Variants in ESYT3 observed in about 807,000 individuals in gnomAD.
ESYT3 encodes the protein extended synaptotagmin-3.
Under a neutral mutation model 111.5 loss-of-function variants are expected in ESYT3, and 101 were observed. The observed-to-expected ratio is 0.91, with a 90% confidence interval of 0.77 to 1.07. The LOEUF (loss-of-function observed/expected upper bound fraction) is 1.07, where lower values mean the gene tolerates loss of function less well. ESYT3 is among the 50% of genes least tolerant of loss of function. ESYT3 has a pLI of 0.00. For missense variants in ESYT3, 1,097 were observed against 1,109.4 expected (o/e 0.99, Z 0.16); for synonymous variants, 416 against 446.8 (o/e 0.93, Z 0.87).
At chr3:138,461,088 T>A (rs1252074612) in intron 7 of ESYT3, among the ~76,000 whole-genome samples, 1 of 152,274 alleles carries the variant, frequency 6.6e-6, no homozygotes, top group African/African-American at 2.4e-5. Flanking sequence ...AGAAGTTGCT[T>A]CACTTCTCTG....
At chr3:138,437,263 T>G (rs148854527) in intron 1 of ESYT3, among the ~76,000 whole-genome samples, 3 of 152,226 alleles carry the variant, frequency 2.0e-5, no homozygotes, top group African/African-American at 7.2e-5. Flanking sequence ...GTAGAAGGCC[T>G]GGTATGAAGG....
At chr3:138,480,146 C>T (rs2033658490), downstream of ESYT3, 1 of 151,930 alleles carries the variant, frequency 6.6e-6, no homozygotes, top group Non-Finnish European at 1.5e-5. Context: ...GTAGACAATA[C>T]AAAAGATGGT....
intron 14 of ESYT3, 183 bp from the exon 15 acceptor site, chr3:138,469,253 T>C: frequency 1.6e-6 from 1 of 616,440 alleles, no homozygotes; most frequent in Non-Finnish European, 2.9e-6. Flanking sequence ...GGGTTGGTCC[T>C]GTCCTGGGGC....
chr3:138,446,109 A>G (rs1382241491), intron 1 of ESYT3, among the ~76,000 whole-genome samples: 2 of 152,228 alleles, frequency 1.3e-5, no homozygotes, highest in Non-Finnish European at 2.9e-5. Flanking sequence ...GGGAGCATCA[A>G]ATGAAAGTGT....
At chr3:138,436,733 C>T (rs2030726523) in intron 1 of ESYT3, among the ~76,000 whole-genome samples, 1 of 152,184 alleles carries the variant, frequency 6.6e-6, no homozygotes, top group Non-Finnish European at 1.5e-5. Flanking sequence ...GTCCACACCC[C>T]TTGCACACAG....
chr3:138,480,156 T>A (rs989755473), downstream of ESYT3: 7 of 152,180 alleles, frequency 4.6e-5, no homozygotes, highest in Admixed American at 4.6e-4. Flanking sequence ...CAAAAGATGG[T>A]CAAGATACGT....
At chr3:138,464,731 G>A (rs1244138109) in intron 9 of ESYT3, among the ~76,000 whole-genome samples, 5 of 152,138 alleles carry the variant, frequency 3.3e-5, no homozygotes, top group Admixed American at 3.3e-4. Flanking sequence ...TTCCAACTTT[G>A]TTAGAAGTTA....
rs752923089 is a variant in ESYT3 at position 138,460,008 on chromosome 3, G to A, written c.712G>A (p.Val238Met). The A allele has an allele frequency of 4.3e-6, 7 of 1,614,026 alleles. No homozygotes were observed. Among genetic ancestry groups the A allele is most frequent in the Admixed American group, 3.3e-5 (2 of 60,002 alleles). Residue 238 changes from valine to methionine, a missense_variant, in exon 6 of 23, where the codon GTG becomes ATG. Physicochemically the swap from Val to Met is conservative, Grantham distance 21 (BLOSUM62 1). Coordinates refer to ENST00000389567, the MANE Select transcript of ESYT3 (RefSeq NM_031913.5). Reference sequence around the variant, plus strand: ...AGTGGACAAGCCCTTTGTGGGAGCCGTGACTGTGTTCTTCCTTCAGAAGCC... The same window carrying A: ...AGTGGACAAGCCCTTTGTGGGAGCCATGACTGTGTTCTTCCTTCAGAAGCC... The part of the protein sequence containing the change: ...LLVDKPFVGA[V>M]TVFFLQKPHL...
intron 1 of ESYT3, among the ~76,000 whole-genome samples, chr3:138,442,959 T>C (rs1408457430): frequency 1.3e-5 from 2 of 152,240 alleles, no homozygotes; most frequent in Non-Finnish European, 2.9e-5. Flanking sequence ...TAAGTTTTTT[T>C]AACTTCTAGG....
chr3:138,449,219 G>T (rs1048522854), intron 1 of ESYT3, among the ~76,000 whole-genome samples: 3 of 151,106 alleles, frequency 2.0e-5, no homozygotes, highest in South Asian at 2.1e-4. Flanking sequence ...TGAGTACCTG[G>T]GATTACAGGT....
chr3:138,470,498 A>G, intron 16 of ESYT3: 1 of 1,111,012 alleles, frequency 9.0e-7, no homozygotes, highest in Non-Finnish European at 1.1e-6. Context: ...AGATCTGTAG[A>G]GTAAGCAAAG....
At chr3:138,441,981 T>C (rs1372463532) in intron 1 of ESYT3, among the ~76,000 whole-genome samples, 5 of 152,150 alleles carry the variant, frequency 3.3e-5, no homozygotes, top group Admixed American at 2.0e-4. Flanking sequence ...TCATGAGCCT[T>C]GGAAATCTCA....
chr3:138,461,627 T>A (rs1170477370), intron 7 of ESYT3, among the ~76,000 whole-genome samples: 1 of 152,188 alleles, frequency 6.6e-6, no homozygotes, highest in East Asian at 1.9e-4. Context: ...CCAGGCACCA[T>A]CCCTGTCCCC....
intron 1 of ESYT3, among the ~76,000 whole-genome samples, chr3:138,448,576 T>TA (rs2031715827): frequency 6.6e-6 from 1 of 152,110 alleles, no homozygotes; most frequent in African/African-American, 2.4e-5. Context: ...CCAGAGAGAT[T>TA]AAAGACCTAA....
chr3:138,445,785 CT>C lies in ESYT3; in HGVS notation c.328-6260del, dbSNP rs2031500479. On this transcript the variant is annotated intron_variant, in intron 1 of 22. Coordinates refer to ENST00000389567, the MANE Select transcript of ESYT3 (RefSeq NM_031913.5). Reference sequence around the variant, plus strand: ...GAAGGATACCGAGCATCATCCATGCCTTTAGTCTTTTCAGGAACTGTGAAGT... The same window carrying C: ...GAAGGATACCGAGCATCATCCATGCCTTAGTCTTTTCAGGAACTGTGAAGT... 2.0e-5 allele frequency among the ~76,000 whole-genome samples: 3 copies of C among 152,324 alleles called. No homozygotes were observed. In the South Asian group the frequency reaches 6.2e-4, roughly 32 times the overall value.
In ESYT3 at chr3:138,455,278, A is replaced by G. The variant is rs1376466211; in HGVS notation, c.454A>G (p.Ser152Gly). 8.7e-6 allele frequency: 14 copies of G among 1,614,152 alleles called. No individual in the cohort carries two copies. The highest frequency in any genetic ancestry group is 1.2e-5 in the Non-Finnish European group (14 of 1,180,014). The part of the protein sequence containing the change: ...EKLEPKIREK[S>G]IHLRTFTFTK... ...ACTTGAGCCCAAGATCCGAGAGAAGAGCATCCACCTGAGGACCTTTACCTT... is the reference window on the plus strand; with the variant it reads ...ACTTGAGCCCAAGATCCGAGAGAAGGGCATCCACCTGAGGACCTTTACCTT... The change falls in exon 3 of 23, where the codon AGC (serine) becomes GGC (glycine). Residue 152 changes from serine (S) to glycine (G), a missense_variant. By Grantham distance (56) the Ser-to-Gly change is moderately conservative. Transcript: ENST00000389567.
chr3:138,460,372 C>G (rs1458680328), intron 6 of ESYT3, among the ~76,000 whole-genome samples: 1 of 152,018 alleles, frequency 6.6e-6, no homozygotes, highest in Non-Finnish European at 1.5e-5. Context: ...GTTCCACAGC[C>G]CCTGCCCCAT....
chr3:138,443,253 T>C (rs1166419153), intron 1 of ESYT3, among the ~76,000 whole-genome samples: 1 of 152,354 alleles, frequency 6.6e-6, no homozygotes, highest in East Asian at 1.9e-4. Context: ...GATTTTCAAG[T>C]TGGCAAAGCA....
chr3:138,479,066 A>AAATT lies in ESYT3; in HGVS notation c.*2214_*2217dup, dbSNP rs571487332. The AAATT allele has an allele frequency of 6.6e-6, 1 of 152,188 alleles. No individual in the cohort carries two copies. The highest frequency in any genetic ancestry group is 2.4e-5 in the African/African-American group (1 of 41,424). The allele number at this position is 152,188 out of a possible 1,614,324, so 9.4% of individuals were successfully genotyped here. Reference sequence around the variant, plus strand: ...TAAAGGGAAACTCACGGGCAAAAATAAATTATGAAACAAAACAAAAACAGA... The same window carrying AAATT: ...TAAAGGGAAACTCACGGGCAAAAATAAATTAATTATGAAACAAAACAAAAACAGA... On this transcript the variant is annotated 3_prime_UTR_variant, in exon 23 of 23. Coordinates refer to ENST00000389567, the MANE Select transcript of ESYT3 (RefSeq NM_031913.5).
Sources: allele counts gnomAD v4.1 joint callset (sites outside exome capture counted in the v4.1 genomes callset), GRCh38; gene constraint gnomAD v4.1.1; transcripts MANE v1.5; gene names NCBI Gene and HGNC (gene_info 2026-07-23, HGNC 2026-07-21).